CBR4: variants seen among roughly 807,000 people sequenced by gnomAD.
CBR4 encodes the protein 3-oxoacyl-[acyl-carrier-protein] reductase.
A neutral mutation model predicts 21.0 loss-of-function variants in CBR4; 22 were observed. The ratio of observed to expected loss-of-function variants is 1.05; its 90% confidence interval spans 0.75 to 1.50. CBR4 has a LOEUF of 1.50. Ranked by LOEUF, CBR4 falls within the 40% of genes most tolerant of loss-of-function variation. The pLI, the probability that CBR4 is intolerant of heterozygous loss-of-function variation, is 0.00. For synonymous variants in CBR4, 100 were observed against 104.4 expected, an observed-to-expected ratio of 0.96 and a Z score of 0.26; for missense variants, 302 against 286.3, an observed-to-expected ratio of 1.05 and a Z score of -0.40.
intron 4 of CBR4, among the ~76,000 whole-genome samples, chr4:168,997,561 T>TC (rs1765265245): frequency 6.6e-6 from 1 of 152,042 alleles, no homozygotes; most frequent in Non-Finnish European, 1.5e-5. Flanking sequence ...ACCACTATAC[T>TC]CCAACCTAGG....
chr4:168,930,265 G>T (rs1465519074), intron 2 of CBR4, among the ~76,000 whole-genome samples: 2 of 152,000 alleles, frequency 1.3e-5, no homozygotes, highest in Non-Finnish European at 2.9e-5. Flanking sequence ...GGATCCAGAA[G>T]ATTTACCAGA....
At chr4:168,925,374 A>C (rs1340538565) in intron 2 of CBR4, 4 of 900,694 alleles carry the variant, frequency 4.4e-6, no homozygotes, top group Non-Finnish European at 7.5e-6. Flanking sequence ...AAGCATCCTT[A>C]GGAGTTAACA....
At chr4:168,949,198 T>C (rs1327791266) in intron 2 of CBR4, among the ~76,000 whole-genome samples, 2 of 152,206 alleles carry the variant, frequency 1.3e-5, no homozygotes, top group African/African-American at 4.8e-5. Flanking sequence ...GAGCTACTGA[T>C]TTGTGTATGT....
At chr4:168,971,617 C>G (rs1190003072) in intron 2 of CBR4, among the ~76,000 whole-genome samples, 1 of 151,874 alleles carries the variant, frequency 6.6e-6, no homozygotes, top group Non-Finnish European at 1.5e-5. Context: ...ATTGTCTACT[C>G]ATGTCCTCAG....
Position 168,895,280 on chromosome 4 carries a change from G to A in CBR4, n.170-515C>T, listed in dbSNP as rs185060284. On this transcript the variant is annotated intron_variant and non_coding_transcript_variant, in intron 2 of 3. Transcript: ENST00000509108. ...ACCTGTAGTCCCAGCTACTCGGGAA[G>A]CTGAGGCAGGAGAATTGCTTGAACC... Among the ~76,000 whole-genome samples the A allele has an allele frequency of 6.5e-4, 99 of 152,366 alleles. 1 individual carries two copies. The East Asian group carries it at 7.9e-3, about 12-fold the overall frequency.
intron 2 of CBR4, chr4:168,897,917 G>A (rs1317017384): frequency 6.6e-6 from 1 of 152,172 alleles, no homozygotes; most frequent in Non-Finnish European, 1.5e-5. Context: ...CTGAGGAGGC[G>A]GCCCTTGCAA....
chr4:168,928,754 G>C (rs1400868920), intron 2 of CBR4, among the ~76,000 whole-genome samples: 3 of 152,210 alleles, frequency 2.0e-5, no homozygotes, highest in Non-Finnish European at 4.4e-5. Context: ...AAGGCCGCCT[G>C]TATTCCTTGC....
chr4:168,920,461 T>C (rs544310553), intron 2 of CBR4, among the ~76,000 whole-genome samples: 1 of 152,316 alleles, frequency 6.6e-6, no homozygotes, highest in African/African-American at 2.4e-5. Flanking sequence ...TTTTACAGTC[T>C]AAGTGACATC....
At chr4:168,960,036 C>T (rs1413917697) in intron 2 of CBR4, among the ~76,000 whole-genome samples, 2 of 152,056 alleles carry the variant, frequency 1.3e-5, no homozygotes, top group African/African-American at 4.8e-5. Flanking sequence ...ATCAATATTA[C>T]CTAATTTTCA....
At chr4:168,921,190 GAGGTCAGGAGTTCAAGACC>G (rs1761412229) in intron 2 of CBR4, among the ~76,000 whole-genome samples, 1 of 151,976 alleles carries the variant, frequency 6.6e-6, no homozygotes, top group Admixed American at 6.6e-5. Flanking sequence ...CGGATCACCT[GAGGTCAGGAGTTCAAGACC>G]AGCCCGGCCA....
At chr4:168,911,123 G>A (rs184115327) in intron 2 of CBR4, among the ~76,000 whole-genome samples, 100 of 152,262 alleles carry the variant, frequency 6.6e-4, no homozygotes, top group Non-Finnish European at 1.2e-3. Context: ...ACATCCTTGT[G>A]AGAGATATAT....
intron 3 of CBR4, chr4:168,894,487 G>A (rs1325410848): frequency 2.5e-6 from 2 of 787,328 alleles, no homozygotes; most frequent in Admixed American, 2.0e-5. Context: ...AGAAAATCAT[G>A]AAAGTGTGTT....
intron 2 of CBR4, chr4:168,927,627 A>C: frequency 4.4e-6 from 1 of 227,580 alleles, no homozygotes; most frequent in Non-Finnish European, 8.8e-6. Flanking sequence ...GTGGTAAATG[A>C]AAATTATTAG....
rs1202290164 is a variant in CBR4 at position 168,968,855 on chromosome 4, T to C, written n.169+33216A>G. ...TCAGTGGTTTCTATTTGTCTTTTCCTACCATGATAATTCTCTCTCCATAAG... is the reference window on the plus strand; with the variant it reads ...TCAGTGGTTTCTATTTGTCTTTTCCCACCATGATAATTCTCTCTCCATAAG... On this transcript the variant is annotated intron_variant and non_coding_transcript_variant, in intron 2 of 3. Coordinates refer to the CBR4 transcript ENST00000509108. Among the ~76,000 whole-genome samples, 4 of 152,248 alleles carry C rather than the reference T, an allele frequency of 2.6e-5. No homozygotes were observed. The East Asian group carries it at 5.8e-4, about 22-fold the overall frequency.
At chr4:168,919,624 G>A (rs752772250) in intron 2 of CBR4, among the ~76,000 whole-genome samples, 20 of 151,334 alleles carry the variant, frequency 1.3e-4, no homozygotes, top group East Asian at 5.8e-4. Context: ...AAATCCTGAC[G>A]ATAAGCCAAA....
chr4:168,999,771 A>C (rs773280405), intron 4 of CBR4, among the ~76,000 whole-genome samples: 66 of 152,160 alleles, frequency 4.3e-4, no homozygotes, highest in Non-Finnish European at 8.4e-4. Flanking sequence ...TACTGCCTTG[A>C]CAACTATTTA....
At chr4:168,990,432 T>G in intron 4 of CBR4, 104 bp from the exon 5 acceptor site, 2 of 1,209,896 alleles carry the variant, frequency 1.7e-6, no homozygotes, top group East Asian at 5.9e-5. Flanking sequence ...AATTTGAAAT[T>G]ATTTAAAAAA....
At chr4:168,959,643 G>A (rs1763788606) in intron 2 of CBR4, among the ~76,000 whole-genome samples, 2 of 138,978 alleles carry the variant, frequency 1.4e-5, no homozygotes, top group African/African-American at 2.8e-5. Context: ...TCGGCTCACT[G>A]CAATCTCCAC....
chr4:169,006,743 G>A lies in CBR4; in HGVS notation c.400+12C>T, dbSNP rs1730938757. The A allele has an allele frequency of 6.2e-7, 1 of 1,609,980 alleles. No individual in the cohort carries two copies. The highest frequency in any genetic ancestry group is 8.5e-7 in the Non-Finnish European group (1 of 1,177,072). On this transcript the variant is annotated intron_variant, in intron 3 of 4. Transcript: ENST00000306193. ...ATGGGATAATCATAAATTCACAAAGGTGAAGACTCACCTACATTAACAATA... is the reference window on the plus strand; with the variant it reads ...ATGGGATAATCATAAATTCACAAAGATGAAGACTCACCTACATTAACAATA...
Sources: gnomAD v4.1 joint callset for allele counts (sites outside exome capture counted in the v4.1 genomes callset) on GRCh38, gnomAD v4.1.1 for gene constraint, MANE v1.5 for transcripts, NCBI Gene and HGNC (gene_info 2026-07-23, HGNC 2026-07-21) for gene names.